CNBD1: variants seen among roughly 807,000 people sequenced by gnomAD.
The protein encoded by CNBD1 is cyclic nucleotide binding domain containing 1, also known as cyclic nucleotide-binding domain-containing protein 1.
A neutral mutation model predicts 54.4 loss-of-function variants in CNBD1; 71 were observed. The observed-to-expected ratio is 1.30, with a 90% CI of 1.08 to 1.59. The LOEUF (loss-of-function observed/expected upper bound fraction) is 1.59, where lower values mean the gene tolerates loss of function less well. Among genes scored for constraint, CNBD1 ranks in the 40% most tolerant of loss-of-function variants. The pLI is 0.00. For synonymous variants in CNBD1, 182 were observed against 170.7 expected, an observed-to-expected ratio of 1.07 and a Z score of -0.51; for missense variants, 659 against 518.0, an observed-to-expected ratio of 1.27 and a Z score of -2.64.
intron 5 of CNBD1, among the ~76,000 whole-genome samples, chr8:87,209,370 G>T (rs891747645): frequency 1.3e-5 from 2 of 152,034 alleles, no homozygotes; most frequent in African/African-American, 4.8e-5. Context: ...AATTAGTAGT[G>T]TTTCTCTACT....
At chr8:87,426,487 A>T (rs1169919546) in intron 2 of CNBD1, among the ~76,000 whole-genome samples, 4 of 152,242 alleles carry the variant, frequency 2.6e-5, no homozygotes, top group Non-Finnish European at 5.9e-5. Context: ...ATTGAGAGAA[A>T]TTCTGCACAA....
intron 2 of CNBD1, among the ~76,000 whole-genome samples, chr8:86,898,780 C>A (rs1808885462): frequency 6.6e-6 from 1 of 151,984 alleles, no homozygotes; most frequent in Non-Finnish European, 1.5e-5. Flanking sequence ...TTAGGTAATA[C>A]ACCAAAAGCA....
At chr8:86,931,001 A>G (rs1374644730) in intron 3 of CNBD1, among the ~76,000 whole-genome samples, 1 of 152,158 alleles carries the variant, frequency 6.6e-6, no homozygotes, top group East Asian at 1.9e-4. Flanking sequence ...GGGACAACAA[A>G]TGGGTAACTT....
At chr8:86,891,410 A>G (rs953001393) in intron 2 of CNBD1, among the ~76,000 whole-genome samples, 3 of 151,848 alleles carry the variant, frequency 2.0e-5, no homozygotes, top group African/African-American at 7.3e-5. Flanking sequence ...CTGTGGGTTT[A>G]TTTCTGGGTT....
At chr8:87,190,714 T>C (rs747837252) in intron 4 of CNBD1, among the ~76,000 whole-genome samples, 1 of 151,964 alleles carries the variant, frequency 6.6e-6, no homozygotes, top group African/African-American at 2.4e-5. Flanking sequence ...TATATTCACA[T>C]GCTTGTAAGT....
chr8:87,282,702 G>A (rs1488365481), intron 6 of CNBD1, among the ~76,000 whole-genome samples: 1 of 151,828 alleles, frequency 6.6e-6, no homozygotes, highest in Non-Finnish European at 1.5e-5. Flanking sequence ...GAGAAAGAAA[G>A]CCTTAATATT....
At chr8:87,291,766 A>G (rs1380338300) in intron 8 of CNBD1, among the ~76,000 whole-genome samples, 1 of 152,108 alleles carries the variant, frequency 6.6e-6, no homozygotes, top group Non-Finnish European at 1.5e-5. Context: ...CTAAAGGCAC[A>G]TGCCACCATG....
At chr8:87,264,138 C>T (rs922730170) in intron 6 of CNBD1, among the ~76,000 whole-genome samples, 37 of 151,964 alleles carry the variant, frequency 2.4e-4, no homozygotes, top group African/African-American at 8.9e-4. Flanking sequence ...TTAATGCTAT[C>T]CCTCCCCTCT....
At chr8:87,363,910 T>A (rs1272509269) in intron 10 of CNBD1, among the ~76,000 whole-genome samples, 1 of 152,098 alleles carries the variant, frequency 6.6e-6, no homozygotes, top group East Asian at 1.9e-4. Context: ...TTTGGTGTTT[T>A]ATTCATGAAG....
intron 8 of CNBD1, among the ~76,000 whole-genome samples, chr8:87,349,026 T>C (rs1306986424): frequency 6.6e-6 from 1 of 152,182 alleles, no homozygotes; most frequent in African/African-American, 2.4e-5. Flanking sequence ...CTTTAAATAT[T>C]ACTTTTAACT....
chr8:87,079,203 A>G (rs1810936827), intron 4 of CNBD1, among the ~76,000 whole-genome samples: 1 of 152,060 alleles, frequency 6.6e-6, no homozygotes, highest in South Asian at 2.1e-4. Flanking sequence ...CTTTTTAATA[A>G]TGAATAGTTT....
chr8:87,296,857 A>T (rs1013074150), intron 8 of CNBD1, among the ~76,000 whole-genome samples: 8 of 152,164 alleles, frequency 5.3e-5, no homozygotes, highest in Admixed American at 5.2e-4. Flanking sequence ...ATATCATTTT[A>T]AATTTTCTAG....
chr8:87,114,620 G>C (rs1019501974), intron 4 of CNBD1, among the ~76,000 whole-genome samples: 2 of 152,178 alleles, frequency 1.3e-5, no homozygotes, highest in Non-Finnish European at 2.9e-5. Flanking sequence ...AAATTGCTGG[G>C]ATTACAGGCA....
Position 87,382,819 on chromosome 8 carries a change from T to A in CNBD1, c.*192T>A. ...AGTTTTTATTAGCAGTCTTTCTTGG[T>A]TTGGATACTAAAATAAATATAGTTA... On this transcript the variant is annotated 3_prime_UTR_variant, in exon 11 of 11. Transcript: ENST00000518476. The A allele has an allele frequency of 2.2e-6, 1 of 450,566 alleles. No individual in the cohort carries two copies. The highest frequency in any genetic ancestry group is 4.0e-6 in the Non-Finnish European group (1 of 251,152). The allele number at this position is 450,566 out of a possible 1,614,324, so 27.9% of individuals were successfully genotyped here.
chr8:87,286,603 A>C lies in CNBD1; in HGVS notation c.974A>C (p.Glu325Ala). 6.7e-7 allele frequency: 1 copy of C among 1,502,648 alleles called. No homozygotes were observed. The highest frequency in any genetic ancestry group is 9.1e-7 in the Non-Finnish European group (1 of 1,101,200). The allele number at this position is 1,502,648 out of a possible 1,614,324, so 93.1% of individuals were successfully genotyped here. ...ATCCGTATGTGTCCTTATTATGAGG[A>C]ATGGCCTACTTTATCCATATATGAG... Reference protein sequence around the residue: ...KLIRMCPYYEEWPTLSIYELI... With the variant: ...KLIRMCPYYEAWPTLSIYELI... Residue 325 changes from glutamate (E) to alanine (A), a missense_variant, in exon 8 of 11, where the codon GAA becomes GCA. By Grantham distance (107) the Glu-to-Ala change is moderately radical. Coordinates refer to ENST00000518476, the MANE Select transcript of CNBD1 (RefSeq NM_173538.3).
intron 6 of CNBD1, among the ~76,000 whole-genome samples, chr8:87,274,067 A>G (rs1379817100): frequency 6.6e-6 from 1 of 151,970 alleles, no homozygotes; most frequent in South Asian, 2.1e-4. Flanking sequence ...GATGATTTCC[A>G]ATTTCATCCA....
chr8:87,305,381 T>C (rs1415150313), intron 8 of CNBD1, among the ~76,000 whole-genome samples: 3 of 152,140 alleles, frequency 2.0e-5, no homozygotes, highest in Non-Finnish European at 4.4e-5. Context: ...ACCACCATCA[T>C]TCTTCAGAGA....
At chr8:87,035,636 A>C (rs1809917113) in intron 4 of CNBD1, among the ~76,000 whole-genome samples, 1 of 152,196 alleles carries the variant, frequency 6.6e-6, no homozygotes, top group Admixed American at 6.5e-5. Context: ...GTTTCTAAAT[A>C]AAATACTTGA....
intron 4 of CNBD1, among the ~76,000 whole-genome samples, chr8:86,979,384 G>A (rs1013887892): frequency 1.9e-5 from 2 of 106,604 alleles, no homozygotes; most frequent in Non-Finnish European, 3.8e-5. Context: ...TGGGCAACAT[G>A]GAGAAAAATC....
Sources: gnomAD v4.1 joint callset for allele counts (sites outside exome capture counted in the v4.1 genomes callset) on GRCh38, gnomAD v4.1.1 for gene constraint, MANE v1.5 for transcripts, NCBI Gene and HGNC (gene_info 2026-07-23, HGNC 2026-07-21) for gene names.